The following ARID4A variants were observed in gnomAD, a reference collection of about 807,000 sequenced individuals.
ARID4A encodes AT-rich interactive domain-containing protein 4A.
A neutral mutation model predicts 148.6 loss-of-function variants in ARID4A; 39 were observed. That is an observed-to-expected ratio of 0.26 (90% confidence interval 0.20 to 0.34). The LOEUF (loss-of-function observed/expected upper bound fraction) is 0.34, where lower values mean the gene tolerates loss of function less well. Among genes scored for constraint, ARID4A ranks in the 10% least tolerant of loss-of-function variants. ARID4A has a pLI of 1.00. For missense variants in ARID4A, 1,265 were observed against 1,449.1 expected, an observed-to-expected ratio of 0.87 and a Z score of 2.06; for synonymous variants, 475 against 481.2, an observed-to-expected ratio of 0.99 and a Z score of 0.17.
intron 19 of ARID4A, among the ~76,000 whole-genome samples, chr14:58,362,022 A>G (rs2035154368): frequency 6.6e-6 from 1 of 152,202 alleles, no homozygotes; most frequent in South Asian, 2.1e-4. Context: ...TCTCATAAGT[A>G]TCTTGAAAAT....
intron 11 of ARID4A, among the ~76,000 whole-genome samples, chr14:58,338,400 A>G (rs893571203): frequency 7.2e-5 from 11 of 152,216 alleles, no homozygotes; most frequent in African/African-American, 1.2e-4. Flanking sequence ...CAGTCCAGAC[A>G]TGTCCTCAGA....
At chr14:58,319,921 C>A (rs1335766934) in intron 7 of ARID4A, among the ~76,000 whole-genome samples, 1 of 147,738 alleles carries the variant, frequency 6.8e-6, no homozygotes, top group Non-Finnish European at 1.5e-5. Context: ...GATTCCCTCT[C>A]TATATATATA....
In ARID4A at chr14:58,351,260, A is replaced by G. The variant is rs1178744699; in HGVS notation, c.1592A>G (p.Lys531Arg). 6.2e-7 allele frequency: 1 copy of G among 1,611,338 alleles called. No homozygotes were observed. The highest frequency in any genetic ancestry group is 1.1e-5 in the South Asian group (1 of 90,116). The change falls in exon 16 of 24, where the codon AAA becomes AGA. Residue 531 changes from lysine (K) to arginine (R), a missense_variant. Around this residue, in one of 9 missense-constraint regions of ARID4A, gnomAD observed 205 missense variants for 196.9 expected, o/e 1.04. Coordinates refer to ENST00000355431, the MANE Select transcript of ARID4A (RefSeq NM_002892.4). Reference sequence around the variant, plus strand: ...AATACACCAAAGCAAAAAGAGAAGAAAATTAAAAAACAGGAGGATTCTGAC... The same window carrying G: ...AATACACCAAAGCAAAAAGAGAAGAGAATTAAAAAACAGGAGGATTCTGAC... ...RKNTPKQKEKKIKKQEDSDKD... is the reference protein window; with the variant it reads ...RKNTPKQKEKRIKKQEDSDKD...
At chr14:58,331,899 C>CTTAG (rs3068797) in intron 11 of ARID4A, among the ~76,000 whole-genome samples, 122,846 of 151,118 alleles carry the variant, frequency 0.81, 50,750 homozygotes, top group African/African-American at 0.95. Context: ...TTAAATTAAC[C>CTTAG]TTAGGATCTT....
chr14:58,312,639 A>G (rs887236168), intron 5 of ARID4A, among the ~76,000 whole-genome samples: 15 of 152,366 alleles, frequency 9.8e-5, no homozygotes, highest in African/African-American at 3.6e-4. Context: ...TAACTGCTGT[A>G]CATGGATATA....
chr14:58,340,152 T>C (rs1377013524), intron 11 of ARID4A, among the ~76,000 whole-genome samples: 2 of 152,194 alleles, frequency 1.3e-5, no homozygotes, highest in African/African-American at 2.4e-5. Flanking sequence ...TTCAGATTTA[T>C]ATATTTGGAC....
At chr14:58,365,496 T>G in intron 20 of ARID4A, 22 bp from the exon 21 acceptor site, 1 of 905,148 alleles carries the variant, frequency 1.1e-6, no homozygotes, top group Non-Finnish European at 1.7e-6. Flanking sequence ...TTTTCAACAT[T>G]CTCTCTTTCC....
chr14:58,299,618 G>C (rs45520341), intron 1 of ARID4A, 180 bp from the exon 2 acceptor site: 6,026 of 592,840 alleles, frequency 0.01, 96 homozygotes, highest in South Asian at 0.046. Context: ...GCCCTTTGGC[G>C]CTCGTGGGGT....
rs373490377 is a variant in ARID4A, at chr14:58,343,363, A to C, written c.907-1332A>C. Among the ~76,000 whole-genome samples the C allele has an allele frequency of 2.6e-5, 4 of 152,204 alleles. 1 individual carries two copies. Reference sequence around the variant, plus strand: ...AAAAGATCTTACTCCCTTTCTCTTGATTGCCTCATGGTTTTTTATTATATA... The same window carrying C: ...AAAAGATCTTACTCCCTTTCTCTTGCTTGCCTCATGGTTTTTTATTATATA... On this transcript the variant is annotated intron_variant, in intron 11 of 23. Coordinates refer to ENST00000355431, the MANE Select transcript of ARID4A (RefSeq NM_002892.4).
At chr14:58,323,939 C>G (rs1158735135) in intron 8 of ARID4A, among the ~76,000 whole-genome samples, 1 of 116,734 alleles carries the variant, frequency 8.6e-6, no homozygotes, top group Non-Finnish European at 1.6e-5. Flanking sequence ...GAGTCTCGCT[C>G]TGTCGCCCAG....
Position 58,365,150 on chromosome 14 carries a change from A to T in ARID4A, c.3061A>T (p.Ser1021Cys). The change falls in exon 20 of 24, where the codon AGT becomes TGT. Residue 1021 changes from serine (S) to cysteine (C), a missense_variant. Around this residue, in one of 9 missense-constraint regions of ARID4A, gnomAD observed 666 missense variants for 730.9 expected, o/e 0.91. Coordinates refer to ENST00000355431, the MANE Select transcript of ARID4A (RefSeq NM_002892.4). ...TCAAGATGAGTCTCGAAGCGTAAAAAGTGAGAGTGATATAACGATTGAAGT... is the reference window on the plus strand; with the variant it reads ...TCAAGATGAGTCTCGAAGCGTAAAATGTGAGAGTGATATAACGATTGAAGT... ...LSQDESRSVK[S>C]ESDITIEVDS... 6.2e-7 allele frequency: 1 copy of T among 1,614,148 alleles called. No individual in the cohort carries two copies. The highest frequency in any genetic ancestry group is 8.5e-7 in the Non-Finnish European group (1 of 1,180,010).
chr14:58,365,722 A>G (rs963820593), intron 21 of ARID4A, 100 bp downstream of exon 21: 1 of 1,052,162 alleles, frequency 9.5e-7, no homozygotes, highest in African/African-American at 1.6e-5. Flanking sequence ...ATTGTTTTAT[A>G]ACTGCATTTT....
intron 7 of ARID4A, 94 bp downstream of exon 7, chr14:58,318,899 C>T (rs1002071983): frequency 8.4e-6 from 8 of 948,718 alleles, no homozygotes; most frequent in Non-Finnish European, 1.3e-5. Context: ...TTTGGGTAAG[C>T]TTTCCATAGC....
At chr14:58,336,067 A>C (rs1453313424) in intron 11 of ARID4A, among the ~76,000 whole-genome samples, 1 of 152,170 alleles carries the variant, frequency 6.6e-6, no homozygotes, top group Non-Finnish European at 1.5e-5. Context: ...TTAGGAATAA[A>C]ATAATTTTAG....
intron 3 of ARID4A, 55 bp downstream of exon 3, chr14:58,301,745 GGA>G (rs1370486976): frequency 2.9e-6 from 4 of 1,356,074 alleles, no homozygotes; most frequent in East Asian, 2.4e-5. Flanking sequence ...AGAAATTTGG[GGA>G]GAGAGAGACT....
chr14:58,327,452 A>G (rs1205545437), intron 8 of ARID4A, among the ~76,000 whole-genome samples: 1 of 152,146 alleles, frequency 6.6e-6, no homozygotes, highest in East Asian at 1.9e-4. Flanking sequence ...TTCATGTTTT[A>G]ACTTGTTTTA....
intron 11 of ARID4A, among the ~76,000 whole-genome samples, chr14:58,330,769 C>G (rs1195785458): frequency 2.0e-5 from 3 of 152,122 alleles, no homozygotes; most frequent in African/African-American, 4.8e-5. Flanking sequence ...ATTATATGTT[C>G]TAAGTGCTAA....
intron 15 of ARID4A, among the ~76,000 whole-genome samples, chr14:58,348,126 T>C (rs1426288049): frequency 6.6e-6 from 1 of 152,204 alleles, no homozygotes; most frequent in African/African-American, 2.4e-5. Flanking sequence ...AGATATTCCT[T>C]TTCCAGTCTT....
chr14:58,363,715 A>T (rs759991324), intron 19 of ARID4A, among the ~76,000 whole-genome samples: 4 of 152,116 alleles, frequency 2.6e-5, no homozygotes, highest in South Asian at 2.1e-4. Context: ...AGAAAAGAAA[A>T]GAAAAAACCT....
Sources: allele counts gnomAD v4.1 joint callset (sites outside exome capture counted in the v4.1 genomes callset), GRCh38; gene constraint gnomAD v4.1.1; regional missense constraint gnomAD v4.1.1; transcripts MANE v1.5; gene names NCBI Gene and HGNC (gene_info 2026-07-23, HGNC 2026-07-21).